Variants in KCND2 observed in about 807,000 individuals in gnomAD.
KCND2 encodes potassium voltage-gated channel subfamily D member 2, also known as A-type voltage-gated potassium channel KCND2.
KCND2 carries 16 observed loss-of-function variants against 54.4 expected under a neutral mutation model. That is an observed-to-expected ratio of 0.29 (90% CI 0.20 to 0.45). KCND2 has a LOEUF of 0.45. KCND2 is among the 20% of genes least tolerant of loss of function. The pLI, the probability that KCND2 is intolerant of heterozygous loss-of-function variation, is 1.00. For missense variants in KCND2, 486 were observed against 824.2 expected (o/e 0.59, Z 5.02); for synonymous variants, 317 against 310.7 (o/e 1.02, Z -0.21).
chr7:120,401,457 A>T (rs1372046309), intron 1 of KCND2, among the ~76,000 whole-genome samples: 1 of 152,150 alleles, frequency 6.6e-6, no homozygotes, highest in African/African-American at 2.4e-5. Flanking sequence ...TTTTAAAAAT[A>T]CTGTACAAAT....
At chr7:120,662,314 G>A (rs554439752) in intron 1 of KCND2, among the ~76,000 whole-genome samples, 40 of 152,118 alleles carry the variant, frequency 2.6e-4, no homozygotes, top group Admixed American at 2.0e-4. Context: ...TCTCCTAAAT[G>A]CCTCCAAGCA....
At chr7:120,417,233 T>C (rs899429709) in intron 1 of KCND2, among the ~76,000 whole-genome samples, 1 of 152,218 alleles carries the variant, frequency 6.6e-6, no homozygotes, top group Non-Finnish European at 1.5e-5. Context: ...GACATCTCAT[T>C]CCTAACTCTA....
intron 1 of KCND2, among the ~76,000 whole-genome samples, chr7:120,474,908 T>C (rs1802512033): frequency 6.6e-6 from 1 of 151,976 alleles, no homozygotes; most frequent in Non-Finnish European, 1.5e-5. Context: ...AGAGATGGAG[T>C]CTTGCTATGT....
At chr7:120,282,444 G>A (rs1799280269) in intron 1 of KCND2, among the ~76,000 whole-genome samples, 1 of 152,094 alleles carries the variant, frequency 6.6e-6, no homozygotes, top group South Asian at 2.1e-4. Context: ...GAAATTAAAA[G>A]GCAGATTACA....
chr7:120,488,036 A>G (rs1044131348), intron 1 of KCND2, among the ~76,000 whole-genome samples: 2 of 146,764 alleles, frequency 1.4e-5, no homozygotes, highest in Admixed American at 1.4e-4. Context: ...AAAACAAAAC[A>G]AAAAAAAAAC....
intron 1 of KCND2, among the ~76,000 whole-genome samples, chr7:120,621,675 CT>C (rs773054037): frequency 2.0e-5 from 3 of 152,072 alleles, no homozygotes; most frequent in Non-Finnish European, 4.4e-5. Flanking sequence ...AGTAGGTAAA[CT>C]TTGCTGTCAC....
intron 1 of KCND2, among the ~76,000 whole-genome samples, chr7:120,369,978 G>A (rs1226852724): frequency 6.6e-6 from 1 of 151,974 alleles, no homozygotes; most frequent in Non-Finnish European, 1.5e-5. Context: ...GTAGATGTGA[G>A]TCATAGGGGC....
intron 1 of KCND2, among the ~76,000 whole-genome samples, chr7:120,458,992 A>T (rs899027632): frequency 1.3e-5 from 2 of 151,774 alleles, no homozygotes; most frequent in Non-Finnish European, 2.9e-5. Context: ...TATTATTATT[A>T]TTTTTATTAC....
intron 1 of KCND2, among the ~76,000 whole-genome samples, chr7:120,358,021 G>C (rs970765106): frequency 1.3e-5 from 2 of 152,048 alleles, no homozygotes; most frequent in Non-Finnish European, 2.9e-5. Flanking sequence ...AGGTATTATG[G>C]GTGTTCAGAA....
chr7:120,421,101 G>C (rs1212116084), intron 1 of KCND2, among the ~76,000 whole-genome samples: 1 of 152,154 alleles, frequency 6.6e-6, no homozygotes, highest in East Asian at 1.9e-4. Flanking sequence ...TTAAAATTAT[G>C]AAATTATCTT....
At chr7:120,316,299 C>G (rs182136763) in intron 1 of KCND2, among the ~76,000 whole-genome samples, 21 of 152,296 alleles carry the variant, frequency 1.4e-4, no homozygotes, top group African/African-American at 4.8e-4. Context: ...AATGATTCTA[C>G]TTCTCAGAAT....
At position 120,319,467 on chromosome 7, in the gene KCND2, A is replaced by G. The variant is rs547254296; in HGVS notation, c.1115+43720A>G. On this transcript the variant is annotated intron_variant, in intron 1 of 5. Coordinates refer to ENST00000331113, the MANE Select transcript of KCND2 (RefSeq NM_012281.3). ...GCACAGGCTCTGGGAATTGAAATTT[A>G]TTCATACAGTAGATAATCTTTTAGA... Among the ~76,000 whole-genome samples the G allele has an allele frequency of 1.2e-4, 18 of 152,226 alleles. No homozygotes were observed. The South Asian group carries it at 3.7e-3, about 32-fold the overall frequency.
intron 1 of KCND2, among the ~76,000 whole-genome samples, chr7:120,567,665 G>A (rs1054169552): frequency 6.6e-5 from 10 of 152,020 alleles, no homozygotes; most frequent in Non-Finnish European, 1.3e-4. Flanking sequence ...ATAAAACATT[G>A]CTTATAATTG....
chr7:120,701,982 G>C (rs575793993), intron 1 of KCND2, among the ~76,000 whole-genome samples: 8 of 152,030 alleles, frequency 5.3e-5, no homozygotes, highest in Non-Finnish European at 1.2e-4. Context: ...CTAATCTTCT[G>C]TACAGCAAGA....
chr7:120,712,241 A>ATTTTTTTGTTTTTTTTTTTTTTTTTTTT (rs1792548825), intron 1 of KCND2, among the ~76,000 whole-genome samples: 1 of 34,762 alleles, frequency 2.9e-5, no homozygotes, highest in Non-Finnish European at 5.3e-5. Flanking sequence ...GGATATCTGA[A>ATTTTTTTGTTTTTTTTTTTTTTTTTTTT]TTTTTTTTTT....
At chr7:120,493,403 T>C (rs1192930004) in intron 1 of KCND2, among the ~76,000 whole-genome samples, 2 of 151,970 alleles carry the variant, frequency 1.3e-5, no homozygotes, top group African/African-American at 4.8e-5. Flanking sequence ...ATACTAATCA[T>C]TGGGGATATA....
intron 1 of KCND2, among the ~76,000 whole-genome samples, chr7:120,550,742 A>C (rs1350582819): frequency 1.3e-5 from 2 of 152,128 alleles, no homozygotes; most frequent in Non-Finnish European, 2.9e-5. Flanking sequence ...GTTTGCCTTT[A>C]TGTTTGTGGA....
chr7:120,550,313 G>A (rs1792090565), intron 1 of KCND2, among the ~76,000 whole-genome samples: 1 of 151,908 alleles, frequency 6.6e-6, no homozygotes, highest in African/African-American at 2.4e-5. Context: ...TTACCAATGG[G>A]GGAAAAAAAT....
At chr7:120,540,590 A>T (rs918483965) in intron 1 of KCND2, among the ~76,000 whole-genome samples, 6 of 152,206 alleles carry the variant, frequency 3.9e-5, no homozygotes. Flanking sequence ...AATCTTAGAT[A>T]AATATTTGTA....
Sources: gnomAD v4.1 joint callset for allele counts (sites outside exome capture counted in the v4.1 genomes callset) on GRCh38, gnomAD v4.1.1 for gene constraint, MANE v1.5 for transcripts, NCBI Gene and HGNC (gene_info 2026-07-23, HGNC 2026-07-21) for gene names.